The following CFAP206 variants were observed in gnomAD, a reference collection of about 807,000 sequenced individuals.
The protein encoded by CFAP206 is cilia- and flagella-associated protein 206.
In CFAP206, 53 loss-of-function variants were observed where a neutral mutation model predicts 65.4. The ratio of observed to expected loss-of-function variants is 0.81; its 90% confidence interval spans 0.65 to 1.02. The LOEUF (loss-of-function observed/expected upper bound fraction) is 1.02. Ranked by LOEUF, CFAP206 falls within the 50% of genes least tolerant of loss-of-function variation. The probability of loss-of-function intolerance (pLI) is 0.00; values close to 1 mark genes in which losing one functional copy is unlikely to be tolerated. For synonymous variants in CFAP206, 250 were observed against 254.4 expected, an observed-to-expected ratio of 0.98 and a Z score of 0.17; for missense variants, 663 against 753.2, an observed-to-expected ratio of 0.88 and a Z score of 1.40.
intron 4 of CFAP206, among the ~76,000 whole-genome samples, chr6:87,414,756 A>G (rs1428373175): frequency 6.6e-6 from 1 of 152,216 alleles, no homozygotes; most frequent in African/African-American, 2.4e-5. Context: ...TACAATCATT[A>G]TTAACAATTT....
At chr6:87,436,801 CA>C (rs1246556819) in intron 11 of CFAP206, 3 of 152,180 alleles carry the variant, frequency 2.0e-5, no homozygotes, top group Middle Eastern at 3.4e-3. Context: ...GTATGTGAGC[CA>C]AATAGTAGGT....
intron 11 of CFAP206, among the ~76,000 whole-genome samples, chr6:87,443,492 T>C (rs1768388566): frequency 6.6e-6 from 1 of 152,200 alleles, no homozygotes; most frequent in African/African-American, 2.4e-5. Context: ...GTTCCTTCAT[T>C]TTATTCTGTT....
intron 1 of CFAP206, 107 bp downstream of exon 1, chr6:87,408,196 C>G (rs1021431005): frequency 3.0e-6 from 1 of 335,444 alleles, no homozygotes; most frequent in African/African-American, 2.2e-5. Context: ...CGCGTCCTGC[C>G]TCGTCGAGAC....
chr6:87,412,739 A>G (rs1326140812), intron 3 of CFAP206, among the ~76,000 whole-genome samples: 2 of 152,028 alleles, frequency 1.3e-5, no homozygotes, highest in East Asian at 3.9e-4. Context: ...GCTCATTGCC[A>G]TGTCCACCTC....
chr6:87,459,319 C>T (rs1011148255), intron 11 of CFAP206, among the ~76,000 whole-genome samples: 3 of 152,090 alleles, frequency 2.0e-5, no homozygotes. Context: ...GCATACATGT[C>T]TTTTTATCCT....
At chr6:87,446,185 G>T (rs1441091886) in intron 11 of CFAP206, among the ~76,000 whole-genome samples, 1 of 152,092 alleles carries the variant, frequency 6.6e-6, no homozygotes, top group Non-Finnish European at 1.5e-5. Flanking sequence ...TTATTTTGCT[G>T]CGCAGAAGCT....
rs1340957851 is a variant in CFAP206 at position 87,464,213 on chromosome 6, T to A, written c.1832T>A (p.Val611Asp). The A allele has an allele frequency of 2.5e-6, 4 of 1,613,940 alleles. No individual in the cohort carries two copies. In the African/African-American group the frequency reaches 5.3e-5, roughly 22 times the overall value. Reference sequence around the variant, plus strand: ...GGAAAGAGCGAAATCACCGATGAGGTCAAGGTGAACTTAACTAGAGATGTG... The same window carrying A: ...GGAAAGAGCGAAATCACCGATGAGGACAAGGTGAACTTAACTAGAGATGTG... ...RGGKSEITDE[V>D]KVNLTRDVDE... The change falls in exon 13 of 13, where the codon GTC (valine) becomes GAC (aspartate). Residue 611 changes from valine (V) to aspartate (D), a missense_variant. Coordinates refer to ENST00000369562, the MANE Select transcript of CFAP206 (RefSeq NM_001031743.3).
At chr6:87,463,513 A>C (rs1332784439) in intron 12 of CFAP206, among the ~76,000 whole-genome samples, 1 of 152,192 alleles carries the variant, frequency 6.6e-6, no homozygotes, top group Admixed American at 6.5e-5. Flanking sequence ...AATCTGTTTA[A>C]CCTCATGTTT....
At chr6:87,409,060 C>T (rs1172033615) in intron 1 of CFAP206, among the ~76,000 whole-genome samples, 1 of 151,928 alleles carries the variant, frequency 6.6e-6, no homozygotes, top group Non-Finnish European at 1.5e-5. Flanking sequence ...TTTAGATGTG[C>T]GGAAAAGATC....
chr6:87,415,225 A>G (rs1358659966), intron 4 of CFAP206, among the ~76,000 whole-genome samples: 1 of 151,950 alleles, frequency 6.6e-6, no homozygotes, highest in Non-Finnish European at 1.5e-5. Context: ...CGAAAGGAAC[A>G]TATATACTAC....
intron 11 of CFAP206, among the ~76,000 whole-genome samples, chr6:87,447,674 T>A (rs2103764): frequency 0.58 from 88,499 of 151,850 alleles, 26,009 homozygotes; most frequent in Admixed American, 0.67. Flanking sequence ...TTTTGGTATC[T>A]GTATGATACT....
chr6:87,457,824 T>G lies in CFAP206; in HGVS notation c.1495-3198T>G, dbSNP rs767763298. Reference sequence around the variant, plus strand: ...CAACCAAAGCAAAAATGGACAAATGTGATCACATCAAGTTAAAAAGCTTCT... The same window carrying G: ...CAACCAAAGCAAAAATGGACAAATGGGATCACATCAAGTTAAAAAGCTTCT... On this transcript the variant is annotated intron_variant, in intron 11 of 12. Transcript: ENST00000369562. Among the ~76,000 whole-genome samples, 7 of 152,130 alleles carry G rather than the reference T, an allele frequency of 4.6e-5. No individual in the cohort carries two copies. In the East Asian group the frequency reaches 5.8e-4, roughly 13 times the overall value.
intron 1 of CFAP206, 73 bp downstream of exon 1, chr6:87,408,162 G>A: frequency 1.3e-6 from 1 of 799,908 alleles, no homozygotes; most frequent in Non-Finnish European, 1.5e-6. Flanking sequence ...GGGGCGGCTG[G>A]CGGAGCTCGG....
At chr6:87,439,274 T>C (rs1768326912) in intron 11 of CFAP206, among the ~76,000 whole-genome samples, 1 of 152,184 alleles carries the variant, frequency 6.6e-6, no homozygotes, top group African/African-American at 2.4e-5. Flanking sequence ...TAAAACTTGA[T>C]GGATTTAGTT....
chr6:87,444,994 G>T, intron 11 of CFAP206: 2 of 522,234 alleles, frequency 3.8e-6, no homozygotes, highest in Non-Finnish European at 7.6e-6. Context: ...TCTGTAATTC[G>T]TTGAAGACAC....
Position 87,431,156 on chromosome 6 carries a change from A to T in CFAP206, c.1283A>T (p.Asp428Val). Residue 428 changes from aspartate (D) to valine (V), a missense_variant, in exon 10 of 13, where the codon GAT becomes GTT. Asp to Val is a radical substitution (Grantham distance 152). Transcript: ENST00000369562. ...TGTGCTTACACGTTTGCTGCAACAG[A>T]TGGTCTTCTCCTTCCAGGTATATCA... is the stretch of plus-strand genomic sequence containing the variant. The part of the protein sequence containing the change: ...GFCAYTFAAT[D>V]GLLLPGNPAI... The T allele has an allele frequency of 6.2e-7, 1 of 1,613,848 alleles. No homozygotes were observed. The highest frequency in any genetic ancestry group is 8.5e-7 in the Non-Finnish European group (1 of 1,179,910).
rs34892535 is a variant in CFAP206 at position 87,415,983 on chromosome 6, GAAAA to G, written c.472+121_472+124del. 546 of 544,178 alleles carry G rather than the reference GAAAA, an allele frequency of 1.0e-3. 2 individuals are homozygous for G. Among genetic ancestry groups the G allele is most frequent in the African/African-American group, 6.1e-3 (291 of 47,586 alleles). The allele number at this position is 544,178 out of a possible 1,614,324, so 33.7% of individuals were successfully genotyped here. A position where few individuals can be genotyped will look rare whatever the true frequency, so the allele number is the denominator to read the frequency against. ...AAAGATTGAAGTTCCCTTTTTATCT[GAAAA>G]AAAAAAAAAAATCAGCACAAATGAG... On this transcript the variant is annotated intron_variant, in intron 5 of 12. Transcript: ENST00000369562.
intron 11 of CFAP206, among the ~76,000 whole-genome samples, chr6:87,457,771 T>A (rs12525027): frequency 0.29 from 43,710 of 152,074 alleles, 6,435 homozygotes; most frequent in Admixed American, 0.38. Flanking sequence ...GGGCAAAGAT[T>A]TCTTGGGTCA....
intron 11 of CFAP206, among the ~76,000 whole-genome samples, chr6:87,438,397 G>T (rs1478335024): frequency 2.0e-5 from 3 of 149,436 alleles, no homozygotes; most frequent in African/African-American, 7.4e-5. Flanking sequence ...GGAGTCAGAG[G>T]TTGCAGTGAG....
Sources: gnomAD v4.1 joint callset for allele counts (sites outside exome capture counted in the v4.1 genomes callset) on GRCh38, gnomAD v4.1.1 for gene constraint, MANE v1.5 for transcripts, NCBI Gene and HGNC (gene_info 2026-07-23, HGNC 2026-07-21) for gene names.